SMCHD1: variants seen among roughly 807,000 people sequenced by gnomAD.
SMCHD1 encodes the protein structural maintenance of chromosomes flexible hinge domain-containing protein 1.
Under a neutral mutation model 254.7 loss-of-function variants are expected in SMCHD1, and 78 were observed. That is an observed-to-expected ratio of 0.31 (90% CI 0.26 to 0.37). The LOEUF is 0.37. SMCHD1 is among the 10% of genes least tolerant of loss of function. The pLI is 1.00. For missense variants in SMCHD1, 1,840 were observed against 2,408.1 expected (o/e 0.76, Z 4.94); for synonymous variants, 766 against 794.9 (o/e 0.96, Z 0.61).
chr18:2,724,230 G>A (rs1435476431), intron 20 of SMCHD1, among the ~76,000 whole-genome samples: 2 of 150,300 alleles, frequency 1.3e-5, no homozygotes, highest in Non-Finnish European at 3.0e-5. Context: ...GAAAAATTAG[G>A]CTTTTCTCCA....
At chr18:2,788,617 C>CT (rs2143830711) in intron 45 of SMCHD1, among the ~76,000 whole-genome samples, 1 of 151,460 alleles carries the variant, frequency 6.6e-6, no homozygotes, top group Non-Finnish European at 1.5e-5. Flanking sequence ...TTTTATTTTA[C>CT]TTTTTGAGAC....
chr18:2,793,737 A>G (rs1822710500), intron 45 of SMCHD1, among the ~76,000 whole-genome samples: 1 of 152,100 alleles, frequency 6.6e-6, no homozygotes, highest in South Asian at 2.1e-4. Flanking sequence ...AATAAAGCGT[A>G]AGGAACTTAA....
chr18:2,684,938 A>G (rs941791237), intron 5 of SMCHD1, among the ~76,000 whole-genome samples: 4 of 151,950 alleles, frequency 2.6e-5, no homozygotes, highest in Admixed American at 6.6e-5. Context: ...TTACTTTGGC[A>G]TAAATGTCAA....
intron 1 of SMCHD1, among the ~76,000 whole-genome samples, chr18:2,661,940 A>G (rs932967482): frequency 6.9e-6 from 1 of 145,640 alleles, no homozygotes; most frequent in African/African-American, 2.6e-5. Flanking sequence ...GTGGATCATG[A>G]GGTCAGGAGA....
At chr18:2,755,126 C>T (rs942771738) in intron 34 of SMCHD1, among the ~76,000 whole-genome samples, 2 of 152,100 alleles carry the variant, frequency 1.3e-5, no homozygotes, top group Admixed American at 1.3e-4. Flanking sequence ...GCAATCATGG[C>T]TCACTGTAGC....
At chr18:2,729,464 T>C in intron 24 of SMCHD1, 55 bp downstream of exon 24, 1 of 1,252,568 alleles carries the variant, frequency 8.0e-7, no homozygotes, top group Admixed American at 3.7e-5. Flanking sequence ...ACAAATAGTC[T>C]TCAACTGCTT....
intron 17 of SMCHD1, among the ~76,000 whole-genome samples, chr18:2,717,046 C>T (rs915212423): frequency 2.0e-5 from 3 of 152,198 alleles, no homozygotes; most frequent in African/African-American, 7.2e-5. Flanking sequence ...AAATCTTAGT[C>T]TGGAGACTCT....
intron 13 of SMCHD1, 101 bp from the exon 14 acceptor site, chr18:2,705,593 T>A: frequency 8.4e-6 from 4 of 475,218 alleles, no homozygotes; most frequent in Non-Finnish European, 1.4e-5. Flanking sequence ...CAAGGTTTTT[T>A]TCTTTGTAAT....
intron 35 of SMCHD1, among the ~76,000 whole-genome samples, chr18:2,761,520 A>G (rs953816152): frequency 2.6e-5 from 4 of 152,116 alleles, no homozygotes; most frequent in Non-Finnish European, 4.4e-5. Context: ...ATCTACATAT[A>G]ATACTGTTGG....
chr18:2,673,987 G>A, intron 4 of SMCHD1, 28 bp from the exon 5 acceptor site: 1 of 1,548,408 alleles, frequency 6.5e-7, no homozygotes. Flanking sequence ...GACTTTTCCT[G>A]TCTTTTTGAA....
intron 5 of SMCHD1, among the ~76,000 whole-genome samples, chr18:2,677,235 C>T (rs1251301716): frequency 6.6e-6 from 1 of 152,128 alleles, no homozygotes; most frequent in African/African-American, 2.4e-5. Context: ...TTGCTTTACT[C>T]CTTATATATC....
chr18:2,793,135 G>A (rs978971242), intron 45 of SMCHD1, among the ~76,000 whole-genome samples: 1 of 152,120 alleles, frequency 6.6e-6, no homozygotes, highest in Non-Finnish European at 1.5e-5. Context: ...GTCTACCTGT[G>A]CATCTAACTG....
intron 42 of SMCHD1, among the ~76,000 whole-genome samples, chr18:2,776,446 C>G (rs2076067862): frequency 6.6e-6 from 1 of 151,712 alleles, no homozygotes; most frequent in African/African-American, 2.4e-5. Flanking sequence ...TGGGCTCAAG[C>G]AGTCCTCCCA....
In SMCHD1 at chr18:2,780,244, A is replaced by T. The variant is rs1284214608; in HGVS notation, c.5547+2005A>T. Among the ~76,000 whole-genome samples the T allele has an allele frequency of 4.7e-3, 412 of 88,438 alleles. 3 individuals are homozygous for T. The highest frequency in any genetic ancestry group is 0.016 in the African/African-American group (405 of 25,412). 58.0% of individuals were successfully genotyped at this position (88,438 alleles called of 152,430 possible). ...GACAGAGCAAGACTCTATCTAAAAAAAAAAAAAAAAAAAAAAAAAAAAGGC... is the reference window on the plus strand; with the variant it reads ...GACAGAGCAAGACTCTATCTAAAAATAAAAAAAAAAAAAAAAAAAAAAGGC... On this transcript the variant is annotated intron_variant, in intron 44 of 47. Coordinates refer to ENST00000320876, the MANE Select transcript of SMCHD1 (RefSeq NM_015295.3).
chr18:2,757,074 CATTT>C (rs1174664517), intron 34 of SMCHD1, among the ~76,000 whole-genome samples: 2 of 152,042 alleles, frequency 1.3e-5, no homozygotes, highest in East Asian at 3.9e-4. Flanking sequence ...TTTTTTAGCT[CATTT>C]ATTTTGGTCA....
rs768574438 is a variant in SMCHD1, at chr18:2,743,807, G to A, written c.3680G>A (p.Gly1227Asp). 4 of 1,613,046 alleles carry A rather than the reference G, an allele frequency of 2.5e-6. No homozygotes were observed. Among genetic ancestry groups the A allele is most frequent in the Non-Finnish European group, 3.4e-6 (4 of 1,179,468 alleles). The part of the protein sequence containing the change: ...ISVRGIKFIP[G>D]PPGNKDLCFT... The stretch of plus-strand genomic sequence containing the variant: ...GTAAGAGGCATCAAATTTATTCCAG[G>A]TCCTCCTGGAAATAAGGATCTTTGT... Residue 1227 changes from glycine (G) to aspartate (D), a missense_variant, in exon 29 of 48, where the codon GGT becomes GAT. Physicochemically the swap from Gly to Asp is moderately conservative, Grantham distance 94. Transcript: ENST00000320876.
intron 45 of SMCHD1, among the ~76,000 whole-genome samples, chr18:2,791,535 A>G (rs189158431): frequency 6.6e-6 from 1 of 152,348 alleles, no homozygotes; most frequent in Non-Finnish European, 1.5e-5. Flanking sequence ...TGGCAGAGTG[A>G]GGCTCTGTCT....
In SMCHD1 at chr18:2,700,558, T is replaced by A. The variant is rs2074379184; in HGVS notation, c.1362T>A (p.Asp454Glu). 6.2e-7 allele frequency: 1 copy of A among 1,609,362 alleles called. No homozygotes were observed. Among genetic ancestry groups the A allele is most frequent in the Non-Finnish European group, 8.5e-7 (1 of 1,178,288 alleles). ...ATCTAGAATTAAAAGATGAAGATGA[T>A]GAAGATGATTGTTTCATACTTGAGA... Reference protein sequence around the residue: ...CFPSKLKDEDDEDDCFILEKA... With the variant: ...CFPSKLKDEDEEDDCFILEKA... Residue 454 changes from aspartate to glutamate, a missense_variant, in exon 11 of 48, where the codon GAT becomes GAA. Asp to Glu is a conservative substitution (Grantham distance 45). Transcript: ENST00000320876.
intron 3 of SMCHD1, among the ~76,000 whole-genome samples, chr18:2,671,954 T>C (rs1156308018): frequency 6.6e-6 from 1 of 152,198 alleles, no homozygotes; most frequent in Non-Finnish European, 1.5e-5. Flanking sequence ...CTGTTGTACC[T>C]GTGTGATGAA....
Sources: allele counts gnomAD v4.1 joint callset (sites outside exome capture counted in the v4.1 genomes callset), GRCh38; gene constraint gnomAD v4.1.1; transcripts MANE v1.5; gene names NCBI Gene and HGNC (gene_info 2026-07-23, HGNC 2026-07-21).